RNF13: variants seen among roughly 807,000 people sequenced by gnomAD.
RNF13 encodes the protein ring finger protein 13, also known as E3 ubiquitin-protein ligase RNF13.
In RNF13, 19 loss-of-function variants were observed where a neutral mutation model predicts 37.7. That is an observed-to-expected ratio of 0.50 (90% CI 0.35 to 0.74). The LOEUF is 0.74. Ranked by LOEUF, RNF13 falls within the 30% of genes least tolerant of loss-of-function variation. The pLI is 0.01. For synonymous variants in RNF13, 144 were observed against 157.8 expected, an observed-to-expected ratio of 0.91 and a Z score of 0.65; for missense variants, 375 against 453.0, an observed-to-expected ratio of 0.83 and a Z score of 1.56.
At chr3:149,832,165 A>G (rs56276030) in intron 1 of RNF13, among the ~76,000 whole-genome samples, 4,033 of 152,294 alleles carry the variant, frequency 0.026, 67 homozygotes, top group South Asian at 0.036. Flanking sequence ...TTAGGAAAAG[A>G]TAACAATTCT....
chr3:149,900,736 G>A (rs1349566905), intron 5 of RNF13, among the ~76,000 whole-genome samples: 2 of 152,104 alleles, frequency 1.3e-5, no homozygotes, highest in African/African-American at 4.8e-5. Flanking sequence ...TATTGATCAT[G>A]TTGATATAAA....
intron 8 of RNF13, among the ~76,000 whole-genome samples, chr3:149,945,715 G>A (rs941266657): frequency 2.0e-5 from 3 of 152,170 alleles, no homozygotes; most frequent in Admixed American, 6.5e-5. Context: ...CCTCTGAGAT[G>A]AAGCTTCTGG....
intron 1 of RNF13, among the ~76,000 whole-genome samples, chr3:149,833,044 G>C (rs62268802): frequency 0.067 from 10,079 of 151,452 alleles, 456 homozygotes; most frequent in Non-Finnish European, 0.1. Context: ...AATTACCCTG[G>C]TACCAAAGTC....
intron 8 of RNF13, among the ~76,000 whole-genome samples, chr3:149,952,324 A>T (rs962491368): frequency 3.9e-5 from 6 of 152,124 alleles, no homozygotes; most frequent in Non-Finnish European, 7.4e-5. Flanking sequence ...CGCAACAAAT[A>T]TTAGACTAAT....
chr3:149,837,561 C>T (rs1721750003), intron 1 of RNF13, among the ~76,000 whole-genome samples: 1 of 152,298 alleles, frequency 6.6e-6, no homozygotes, highest in Middle Eastern at 3.4e-3. Flanking sequence ...GCACGTCTCA[C>T]ATGGTGGCAG....
At chr3:149,867,689 G>A (rs1005683297) in intron 3 of RNF13, among the ~76,000 whole-genome samples, 16 of 151,728 alleles carry the variant, frequency 1.1e-4, no homozygotes, top group African/African-American at 3.1e-4. Context: ...TAGGTGAAGT[G>A]GTTTTTTTGT....
intron 1 of RNF13, among the ~76,000 whole-genome samples, chr3:149,835,071 A>AG (rs1184834632): frequency 6.6e-6 from 1 of 152,218 alleles, no homozygotes; most frequent in East Asian, 1.9e-4. Context: ...AAACTCTTAG[A>AG]GGAAAACATA....
At chr3:149,897,804 T>G (rs775211566) in intron 5 of RNF13, among the ~76,000 whole-genome samples, 5 of 152,194 alleles carry the variant, frequency 3.3e-5, no homozygotes, top group Admixed American at 6.5e-5. Flanking sequence ...ACTGGTATCT[T>G]ATACCAAGCA....
In RNF13 at chr3:149,960,768, G is replaced by A. The variant is rs1434870087; in HGVS notation, c.810G>A (p.Trp270Ter). 6.2e-7 allele frequency: 1 copy of A among 1,613,428 alleles called. No homozygotes were observed. Among genetic ancestry groups the A allele is most frequent in the Admixed American group, 1.7e-5 (1 of 59,904 alleles). The change falls in exon 10 of 10, where the codon TGG becomes TGA. Residue 270 changes from tryptophan (W) to a stop codon, truncating the protein, a stop_gained. Transcript: ENST00000392894. LOFTEE classifies it high-confidence loss of function. Reference sequence around the variant, plus strand: ...ATCACTGCAAGTGTGTAGACCCTTGGCTAACTAAAACCAAAAAAACCTGTC... The same window carrying A: ...ATCACTGCAAGTGTGTAGACCCTTGACTAACTAAAACCAAAAAAACCTGTC... ...HAYHCKCVDP[W>*]LTKTKKTCPV...
chr3:149,889,292 C>CGTGCGT lies in RNF13; in HGVS notation c.322-6178_322-6177insCGTGTG, dbSNP rs1553761925. Among the ~76,000 whole-genome samples, 10 of 138,224 alleles carry CGTGCGT rather than the reference C, an allele frequency of 7.2e-5. No individual in the cohort carries two copies. In the South Asian group the frequency reaches 1.2e-3, roughly 17 times the overall value. The allele number at this position is 138,224 out of a possible 152,430, so 90.7% of individuals were successfully genotyped here. ...TGCTGAAAATCTGAATTTGAGTGTGCGTGTGTGTGTGTGTGTGTGTGTGTG... is the reference window on the plus strand; with the variant it reads ...TGCTGAAAATCTGAATTTGAGTGTGCGTGCGTGTGTGTGTGTGTGTGTGTGTGTGTG... On this transcript the variant is annotated intron_variant, in intron 4 of 9. Transcript: ENST00000392894.
chr3:149,904,304 A>G (rs1292256777), intron 6 of RNF13, among the ~76,000 whole-genome samples: 2 of 152,180 alleles, frequency 1.3e-5, no homozygotes, highest in African/African-American at 4.8e-5. Context: ...CAATGCTATT[A>G]CCAACATTTC....
At chr3:149,867,026 T>C (rs1266944830) in intron 3 of RNF13, among the ~76,000 whole-genome samples, 1 of 152,176 alleles carries the variant, frequency 6.6e-6, no homozygotes, top group Non-Finnish European at 1.5e-5. Context: ...TCTGTAAATG[T>C]CAGGACTTTT....
chr3:149,902,006 T>G, intron 5 of RNF13, 66 bp from the exon 6 acceptor site: 1 of 626,120 alleles, frequency 1.6e-6, no homozygotes, highest in South Asian at 3.4e-5. Flanking sequence ...GCTGCTATTA[T>G]GAAGAAAAGT....
intron 8 of RNF13, 38 bp from the exon 9 acceptor site, chr3:149,960,018 G>C (rs1287366141): frequency 7.1e-7 from 1 of 1,416,658 alleles, no homozygotes. Flanking sequence ...AAGTTTGAAA[G>C]GTGAAAAAAT....
intron 3 of RNF13, among the ~76,000 whole-genome samples, chr3:149,870,683 T>C (rs1460206266): frequency 6.6e-6 from 1 of 151,948 alleles, no homozygotes; most frequent in Non-Finnish European, 1.5e-5. Context: ...TGACCACAGT[T>C]GTACTTCGTT....
intron 5 of RNF13, 63 bp downstream of exon 5, chr3:149,895,623 C>A: frequency 3.6e-6 from 4 of 1,116,028 alleles, no homozygotes; most frequent in Non-Finnish European, 5.3e-6. Flanking sequence ...TAAAAATTAA[C>A]AGGATTTTCC....
intron 5 of RNF13, among the ~76,000 whole-genome samples, chr3:149,897,778 G>C (rs1343565406): frequency 6.6e-6 from 1 of 152,072 alleles, no homozygotes; most frequent in African/African-American, 2.4e-5. Context: ...CTCTTTTCAA[G>C]GCCTTTCCTA....
intron 6 of RNF13, among the ~76,000 whole-genome samples, chr3:149,906,540 T>C (rs1716417146): frequency 1.3e-5 from 2 of 152,128 alleles, no homozygotes; most frequent in South Asian, 2.1e-4. Context: ...AAGATTTTTA[T>C]TGAGATTACA....
At chr3:149,827,504 A>G (rs957327132) in intron 1 of RNF13, among the ~76,000 whole-genome samples, 1 of 152,138 alleles carries the variant, frequency 6.6e-6, no homozygotes, top group Non-Finnish European at 1.5e-5. Context: ...CTATGTAGGC[A>G]TTCAGTCTAT....
Sources: allele counts gnomAD v4.1 joint callset (sites outside exome capture counted in the v4.1 genomes callset), GRCh38; gene constraint gnomAD v4.1.1; transcripts MANE v1.5; gene names NCBI Gene and HGNC (gene_info 2026-07-23, HGNC 2026-07-21).